Variants in MYH11 observed in about 807,000 individuals in gnomAD.
MYH11 encodes the protein myosin-11.
Under a neutral mutation model 246.6 loss-of-function variants are expected in MYH11, and 80 were observed. That is an observed-to-expected ratio of 0.32 (90% CI 0.27 to 0.39). MYH11 has a LOEUF of 0.39. Ranked by LOEUF, MYH11 falls within the 10% of genes least tolerant of loss-of-function variation. The pLI is 1.00. For missense variants in MYH11, 2,158 were observed against 2,546.8 expected (o/e 0.85, Z 3.29); for synonymous variants, 1,071 against 1,015.5 (o/e 1.05, Z -1.04).
chr16:15,751,872 C>T (rs544250894), intron 15 of MYH11, among the ~76,000 whole-genome samples: 122 of 152,198 alleles, frequency 8.0e-4, no homozygotes, highest in Middle Eastern at 6.8e-3. Flanking sequence ...AATCTCAGCT[C>T]ACTGCAACCT....
At chr16:15,816,551 C>T (rs1822399093) in intron 3 of MYH11, among the ~76,000 whole-genome samples, 1 of 152,054 alleles carries the variant, frequency 6.6e-6, no homozygotes. Flanking sequence ...GATAGCATTA[C>T]ATAGTCATAA....
At chr16:15,763,741 T>TGGGGGGCCCCCCCCCCCC in intron 10 of MYH11, 55 bp downstream of exon 10, 6 of 646,832 alleles carry the variant, frequency 9.3e-6, no homozygotes, top group East Asian at 6.3e-5. Context: ...AAATGTCACC[T>TGGGGGGCCCCCCCCCCCC]CCCCCACCCC....
intron 3 of MYH11, among the ~76,000 whole-genome samples, chr16:15,807,342 A>C (rs1032480351): frequency 6.6e-6 from 1 of 152,044 alleles, no homozygotes; most frequent in Non-Finnish European, 1.5e-5. Flanking sequence ...CCAGGGTGGG[A>C]GTCAGATGGG....
At chr16:15,794,329 C>T (rs142209202) in intron 4 of MYH11, among the ~76,000 whole-genome samples, 1 of 152,344 alleles carries the variant, frequency 6.6e-6, no homozygotes, top group African/African-American at 2.4e-5. Flanking sequence ...AAAAGCTCAG[C>T]CCTGCTGTCA....
chr16:15,830,273 A>G (rs2043698368), intron 2 of MYH11, among the ~76,000 whole-genome samples: 1 of 152,204 alleles, frequency 6.6e-6, no homozygotes, highest in Non-Finnish European at 1.5e-5. Context: ...GCTGCAGTGC[A>G]ATATCACGGC....
At chr16:15,730,981 G>C (rs183626545) in intron 27 of MYH11, among the ~76,000 whole-genome samples, 115 of 152,026 alleles carry the variant, frequency 7.6e-4, no homozygotes, top group African/African-American at 2.6e-3. Flanking sequence ...ATAATGACAA[G>C]TTTCCTCCAG....
Position 15,727,062 on chromosome 16 carries a change from A to T in MYH11, c.3652-8T>A. On this transcript the variant is annotated splice_region_variant and splice_polypyrimidine_tract_variant and intron_variant, in intron 27 of 40. Transcript: ENST00000300036. ...GTCTAGGTTCGCCTTGGCCTGGCGA[A>T]GGAAGCAGAGGGGAGGGATAACAGG... 1 of 1,612,976 alleles carries T rather than the reference A, an allele frequency of 6.2e-7. No individual in the cohort carries two copies. The highest frequency in any genetic ancestry group is 8.5e-7 in the Non-Finnish European group (1 of 1,179,880).
intron 2 of MYH11, among the ~76,000 whole-genome samples, chr16:15,835,218 T>C (rs968337561): frequency 1.3e-5 from 2 of 152,156 alleles, no homozygotes; most frequent in Admixed American, 1.3e-4. Flanking sequence ...GATTCTATAC[T>C]ACCCCTTACA....
intron 28 of MYH11, 142 bp from the exon 29 acceptor site, chr16:15,725,134 T>C (rs985790666): frequency 3.7e-6 from 2 of 540,920 alleles, no homozygotes; most frequent in Non-Finnish European, 6.5e-6. Context: ...GGGACTCTGA[T>C]AAAAAAAAAA....
At chr16:15,718,100 ATG>A (rs2040263872) in intron 37 of MYH11, 2 of 723,060 alleles carry the variant, frequency 2.8e-6, no homozygotes, top group Non-Finnish European at 4.5e-6. Context: ...TGGCTGGAAA[ATG>A]AGACACTGCA....
intron 3 of MYH11, 146 bp from the exon 4 acceptor site, chr16:15,798,833 T>C: frequency 1.0e-5 from 9 of 880,518 alleles, no homozygotes; most frequent in Non-Finnish European, 1.6e-5. Context: ...GCTGGGCTCA[T>C]TGCCCAGGCT....
intron 22 of MYH11, chr16:15,741,254 G>A (rs941406929): frequency 2.2e-5 from 14 of 646,280 alleles, no homozygotes; most frequent in Admixed American, 2.3e-5. Flanking sequence ...GTTAGCACAT[G>A]CAAGGCAGGG....
intron 15 of MYH11, among the ~76,000 whole-genome samples, chr16:15,751,461 CCATCAT>C (rs377609666): frequency 8.0e-5 from 12 of 150,334 alleles, no homozygotes; most frequent in Non-Finnish European, 1.5e-4. Flanking sequence ...CCGCGCCCGG[CCATCAT>C]CATCATCATC....
chr16:15,833,332 G>A (rs1436228799), intron 2 of MYH11, among the ~76,000 whole-genome samples: 1 of 144,048 alleles, frequency 6.9e-6, no homozygotes, highest in Non-Finnish European at 1.5e-5. Context: ...AAAGAAAAAA[G>A]AAGACAGAAA....
At chr16:15,853,653 G>T (rs983071243) in intron 1 of MYH11, among the ~76,000 whole-genome samples, 1 of 152,104 alleles carries the variant, frequency 6.6e-6, no homozygotes, top group African/African-American at 2.4e-5. Context: ...TGTGGCCAGG[G>T]TTAAAAGTTG....
intron 3 of MYH11, among the ~76,000 whole-genome samples, chr16:15,802,882 G>A (rs911478360): frequency 2.0e-5 from 3 of 152,140 alleles, no homozygotes; most frequent in Non-Finnish European, 4.4e-5. Context: ...CGGGCGTGGT[G>A]GCTCACACCT....
intron 4 of MYH11, among the ~76,000 whole-genome samples, chr16:15,795,940 C>T (rs763253058): frequency 1.3e-5 from 2 of 152,180 alleles, no homozygotes; most frequent in African/African-American, 4.8e-5. Flanking sequence ...CTGGAATCCA[C>T]ACTTTATGAC....
chr16:15,747,093 C>T (rs1446332464), intron 19 of MYH11, among the ~76,000 whole-genome samples: 1 of 150,860 alleles, frequency 6.6e-6, no homozygotes, highest in African/African-American at 2.4e-5. Context: ...GAGACTCTGT[C>T]TCAAAAAGGA....
At chr16:15,746,446 G>A (rs1567722965) in intron 19 of MYH11, among the ~76,000 whole-genome samples, 1 of 152,124 alleles carries the variant, frequency 6.6e-6, no homozygotes, top group Non-Finnish European at 1.5e-5. Context: ...ACTTAGTAAC[G>A]AAACTTGACA....
Sources: gnomAD v4.1 joint callset for allele counts (sites outside exome capture counted in the v4.1 genomes callset) on GRCh38, gnomAD v4.1.1 for gene constraint, MANE v1.5 for transcripts, NCBI Gene and HGNC (gene_info 2026-07-23, HGNC 2026-07-21) for gene names.